The following PLCXD3 variants were observed in gnomAD, a reference collection of about 807,000 sequenced individuals.
PLCXD3 encodes the protein phosphatidylinositol specific phospholipase C X domain containing 3.
A neutral mutation model predicts 25.5 loss-of-function variants in PLCXD3; 19 were observed. That is an observed-to-expected ratio of 0.75 (90% CI 0.52 to 1.09). The LOEUF is 1.09. Among genes scored for constraint, PLCXD3 ranks in the 50% least tolerant of loss-of-function variants. PLCXD3 has a pLI of 0.00. For synonymous variants in PLCXD3, 174 were observed against 137.6 expected (o/e 1.26, Z -1.85); for missense variants, 411 against 388.1 (o/e 1.06, Z -0.50).
At chr5:41,385,747 T>C (rs1745614483) in intron 1 of PLCXD3, among the ~76,000 whole-genome samples, 1 of 152,128 alleles carries the variant, frequency 6.6e-6, no homozygotes, top group Admixed American at 6.6e-5. Flanking sequence ...TCTGTCTTGT[T>C]ACTTTTTTCC....
intron 2 of PLCXD3, among the ~76,000 whole-genome samples, chr5:41,370,864 CA>C (rs1472490237): frequency 6.6e-6 from 1 of 152,204 alleles, no homozygotes; most frequent in Non-Finnish European, 1.5e-5. Flanking sequence ...CTCGGGAAGA[CA>C]AATGGAATGT....
At chr5:41,450,949 T>C (rs527659502) in intron 1 of PLCXD3, among the ~76,000 whole-genome samples, 1 of 152,148 alleles carries the variant, frequency 6.6e-6, no homozygotes, top group African/African-American at 2.4e-5. Context: ...ATTATCAAAG[T>C]TGGAGGTTGA....
chr5:41,430,822 G>T (rs1373267284), intron 1 of PLCXD3, among the ~76,000 whole-genome samples: 2 of 152,142 alleles, frequency 1.3e-5, no homozygotes, highest in African/African-American at 2.4e-5. Flanking sequence ...AAAAGTTATT[G>T]CCAATTATAA....
At chr5:41,356,377 G>T (rs1744617770) in intron 2 of PLCXD3, among the ~76,000 whole-genome samples, 1 of 152,206 alleles carries the variant, frequency 6.6e-6, no homozygotes, top group Non-Finnish European at 1.5e-5. Flanking sequence ...AAAAACTGGG[G>T]ATGGTTACAG....
intron 1 of PLCXD3, chr5:41,456,622 C>CT (rs1747759616): frequency 1.4e-6 from 1 of 689,828 alleles, no homozygotes. Context: ...AATCTGTTCC[C>CT]TAATGTGAGG....
intron 2 of PLCXD3, among the ~76,000 whole-genome samples, chr5:41,333,425 A>T (rs1743890688): frequency 6.6e-6 from 1 of 152,186 alleles, no homozygotes; most frequent in South Asian, 2.1e-4. Context: ...AGTATTTCAT[A>T]CACTGAAGCA....
At chr5:41,369,889 G>A (rs1276142574) in intron 2 of PLCXD3, among the ~76,000 whole-genome samples, 1 of 152,176 alleles carries the variant, frequency 6.6e-6, no homozygotes, top group Non-Finnish European at 1.5e-5. Flanking sequence ...CAGACAAGTA[G>A]CAGACAACAC....
At chr5:41,502,306 A>T (rs1013652809) in intron 1 of PLCXD3, among the ~76,000 whole-genome samples, 6 of 152,110 alleles carry the variant, frequency 3.9e-5, no homozygotes, top group African/African-American at 1.4e-4. Context: ...GTTTTTAAAT[A>T]TAAAATCAGA....
At chr5:41,318,932 CAAACA>C (rs143765726) in intron 2 of PLCXD3, among the ~76,000 whole-genome samples, 2,075 of 152,076 alleles carry the variant, frequency 0.014, 48 homozygotes, top group African/African-American at 0.048. Flanking sequence ...AACAAGCAAA[CAAACA>C]AATGAACAAA....
intron 1 of PLCXD3, among the ~76,000 whole-genome samples, chr5:41,501,473 A>C (rs1197817218): frequency 2.6e-5 from 4 of 152,050 alleles, no homozygotes; most frequent in Admixed American, 2.6e-4. Flanking sequence ...CACTTAGATG[A>C]GGTATCTAAT....
intron 1 of PLCXD3, among the ~76,000 whole-genome samples, chr5:41,487,665 T>C (rs1049317111): frequency 1.3e-5 from 2 of 152,106 alleles, no homozygotes; most frequent in Middle Eastern, 3.2e-3. Flanking sequence ...GCTAGCATGG[T>C]CAGGGAATGT....
At chr5:41,401,238 T>C (rs1205154825) in intron 1 of PLCXD3, among the ~76,000 whole-genome samples, 1 of 152,098 alleles carries the variant, frequency 6.6e-6, no homozygotes, top group Non-Finnish European at 1.5e-5. Context: ...ATTTGTTTTT[T>C]ATTCTTTGGT....
At chr5:41,338,222 A>G (rs967580308) in intron 2 of PLCXD3, among the ~76,000 whole-genome samples, 1 of 152,156 alleles carries the variant, frequency 6.6e-6, no homozygotes. Flanking sequence ...TTCATGAGAG[A>G]TTAAAGATGT....
intron 1 of PLCXD3, among the ~76,000 whole-genome samples, chr5:41,481,460 C>T (rs1748412798): frequency 6.6e-6 from 1 of 152,232 alleles, no homozygotes; most frequent in African/African-American, 2.4e-5. Flanking sequence ...TGGAATCACA[C>T]ATATGGAGCA....
intron 1 of PLCXD3, among the ~76,000 whole-genome samples, chr5:41,401,044 CT>C (rs757784928): frequency 1.3e-5 from 2 of 151,572 alleles, no homozygotes; most frequent in African/African-American, 4.8e-5. Flanking sequence ...TTATTTGACA[CT>C]TTTTTTTGAA....
chr5:41,412,119 T>G (rs530935124), intron 1 of PLCXD3, among the ~76,000 whole-genome samples: 1 of 152,254 alleles, frequency 6.6e-6, no homozygotes, highest in African/African-American at 2.4e-5. Context: ...CTGTTTATAT[T>G]GTCTTCTGAT....
At chr5:41,507,975 G>T (rs1165676675) in intron 1 of PLCXD3, among the ~76,000 whole-genome samples, 1 of 152,124 alleles carries the variant, frequency 6.6e-6, no homozygotes, top group Non-Finnish European at 1.5e-5. Context: ...ATGCAAAAAG[G>T]TGCCAAACCT....
chr5:41,468,009 C>CTTTTTTTTTTTTTTTTTTTTTTTTT (rs145732089), intron 1 of PLCXD3, among the ~76,000 whole-genome samples: 1 of 52,404 alleles, frequency 1.9e-5, no homozygotes, highest in Non-Finnish European at 3.2e-5. Context: ...CAGCTTTATT[C>CTTTTTTTTTTTTTTTTTTTTTTTTT]TTTTTTTTTT....
chr5:41,349,199 G>A (rs80347381), intron 2 of PLCXD3, among the ~76,000 whole-genome samples: 18,625 of 152,094 alleles, frequency 0.12, 1,226 homozygotes, highest in Non-Finnish European at 0.13. Flanking sequence ...ATTATTCTTA[G>A]GTTGGGTCTT....
Sources: allele counts gnomAD v4.1 joint callset (sites outside exome capture counted in the v4.1 genomes callset), GRCh38; gene constraint gnomAD v4.1.1; transcripts MANE v1.5; gene names NCBI Gene and HGNC (gene_info 2026-07-23, HGNC 2026-07-21).